BABAM2: variants seen among roughly 807,000 people sequenced by gnomAD.
BABAM2 encodes the protein BRISC and BRCA1 A complex member 2.
A neutral mutation model predicts 54.7 loss-of-function variants in BABAM2; 31 were observed. The ratio of observed to expected loss-of-function variants is 0.57; its 90% confidence interval spans 0.43 to 0.77. The LOEUF (loss-of-function observed/expected upper bound fraction) is 0.77. Among genes scored for constraint, BABAM2 ranks in the 30% least tolerant of loss-of-function variants. BABAM2 has a pLI of 0.00. For synonymous variants in BABAM2, 167 were observed against 162.9 expected, an observed-to-expected ratio of 1.03 and a Z score of -0.19; for missense variants, 364 against 455.8, an observed-to-expected ratio of 0.80 and a Z score of 1.83.
At chr2:27,893,749 A>T (rs1665048268) in intron 1 of BABAM2, among the ~76,000 whole-genome samples, 1 of 152,096 alleles carries the variant, frequency 6.6e-6, no homozygotes, top group African/African-American at 2.4e-5. Context: ...TAATCCCAGC[A>T]CTTTGGGAGG....
chr2:28,112,189 C>CCTTCCTTCCTTCCTTCCTT lies in BABAM2; in HGVS notation c.571-17081_571-17080insTTCCTTCCTTCCTTCCTTC, dbSNP rs1553319626. Among the ~76,000 whole-genome samples the CCTTCCTTCCTTCCTTCCTT allele has an allele frequency of 3.5e-3, 109 of 30,764 alleles. 9 individuals carry two copies. Among genetic ancestry groups the CCTTCCTTCCTTCCTTCCTT allele is most frequent in the Non-Finnish European group, 3.1e-3 (55 of 17,704 alleles). 20.2% of individuals were successfully genotyped at this position (30,764 alleles called of 152,430 possible). A position where few individuals can be genotyped will look rare whatever the true frequency, so the allele number is the denominator to read the frequency against. ...TCCCTCCCTCCCTCCCTCCCTCCCT[C>CCTTCCTTCCTTCCTTCCTT]CCTCCCTCCCTTCCTTCCTTCCTTC... On this transcript the variant is annotated intron_variant, in intron 6 of 11. Transcript: ENST00000379624.
chr2:28,336,769 C>T (rs1049422751), intron 11 of BABAM2, among the ~76,000 whole-genome samples: 10 of 152,242 alleles, frequency 6.6e-5, no homozygotes, highest in South Asian at 2.1e-4. Context: ...TGGCACCAGC[C>T]GCTGCATTTG....
intron 6 of BABAM2, among the ~76,000 whole-genome samples, chr2:28,073,686 C>A (rs1038358850): frequency 6.6e-6 from 1 of 152,060 alleles, no homozygotes; most frequent in Non-Finnish European, 1.5e-5. Context: ...TAATTGGCTT[C>A]TTTGAGTTAA....
chr2:27,972,397 G>T (rs968762325), intron 3 of BABAM2, among the ~76,000 whole-genome samples: 3 of 152,210 alleles, frequency 2.0e-5, no homozygotes, highest in Non-Finnish European at 4.4e-5. Flanking sequence ...GGAACAGAGT[G>T]TGGTATCTAA....
intron 3 of BABAM2, among the ~76,000 whole-genome samples, chr2:27,981,922 G>A (rs945544216): frequency 4.6e-5 from 7 of 152,096 alleles, no homozygotes; most frequent in Non-Finnish European, 8.8e-5. Flanking sequence ...AACCTCTTGA[G>A]GAACTGCCAG....
chr2:27,946,521 G>GT (rs1290881488), intron 3 of BABAM2, among the ~76,000 whole-genome samples: 1 of 152,132 alleles, frequency 6.6e-6, no homozygotes, highest in Non-Finnish European at 1.5e-5. Flanking sequence ...AAGTTGGGAA[G>GT]TATTCAGTCC....
At chr2:27,994,276 A>G (rs1218024562) in intron 4 of BABAM2, among the ~76,000 whole-genome samples, 1 of 152,222 alleles carries the variant, frequency 6.6e-6, no homozygotes, top group African/African-American at 2.4e-5. Context: ...ACTTGGAAAC[A>G]TATTATTTGA....
chr2:28,099,479 C>G (rs982775880), intron 6 of BABAM2, among the ~76,000 whole-genome samples: 1 of 152,184 alleles, frequency 6.6e-6, no homozygotes, highest in African/African-American at 2.4e-5. Flanking sequence ...TACTGTCCCT[C>G]TTTGCGTGAT....
intron 2 of BABAM2, among the ~76,000 whole-genome samples, chr2:27,903,161 G>T (rs1162923009): frequency 6.6e-6 from 1 of 151,438 alleles, no homozygotes; most frequent in African/African-American, 2.4e-5. Context: ...CTTGCCCATG[G>T]ATGTCAAGTT....
chr2:28,193,442 A>G (rs531356196), intron 7 of BABAM2, among the ~76,000 whole-genome samples: 3 of 152,212 alleles, frequency 2.0e-5, no homozygotes, highest in Non-Finnish European at 4.4e-5. Flanking sequence ...TGACCTCGGC[A>G]AGTCATGTGT....
At chr2:28,153,288 G>C (rs1052478777) in intron 7 of BABAM2, among the ~76,000 whole-genome samples, 3 of 152,174 alleles carry the variant, frequency 2.0e-5, no homozygotes, top group African/African-American at 7.2e-5. Flanking sequence ...TGCCACATCT[G>C]TTTTCTAAGC....
chr2:28,016,345 C>T (rs2148543874), intron 4 of BABAM2: 2 of 1,213,774 alleles, frequency 1.6e-6, no homozygotes, highest in East Asian at 4.7e-5. Flanking sequence ...TTTCTAGTTG[C>T]TCTTTTACTT....
At chr2:28,149,120 A>G (rs965588293) in intron 7 of BABAM2, among the ~76,000 whole-genome samples, 3 of 152,214 alleles carry the variant, frequency 2.0e-5, no homozygotes, top group African/African-American at 7.2e-5. Flanking sequence ...AGGAATGGAA[A>G]TGGTAACAGC....
chr2:28,327,577 C>T, intron 11 of BABAM2: 1 of 1,059,534 alleles, frequency 9.4e-7, no homozygotes, highest in South Asian at 1.9e-5. Context: ...TAATTCAACA[C>T]ATACTGAGAC....
intron 11 of BABAM2, chr2:28,309,597 T>A (rs1486741198): frequency 1.3e-5 from 2 of 152,942 alleles, no homozygotes; most frequent in Non-Finnish European, 2.9e-5. Flanking sequence ...AGGAGATTTT[T>A]AAATTAAAAG....
chr2:28,209,369 C>T (rs931598619), intron 7 of BABAM2, among the ~76,000 whole-genome samples: 2 of 152,126 alleles, frequency 1.3e-5, no homozygotes, highest in African/African-American at 4.8e-5. Context: ...CTAGGATTGT[C>T]ATCTTACAAA....
chr2:28,064,730 G>A (rs1042872310), intron 6 of BABAM2, among the ~76,000 whole-genome samples: 13 of 152,142 alleles, frequency 8.5e-5, no homozygotes, highest in South Asian at 4.1e-4. Context: ...GTCTGGGTGC[G>A]GTGGCTCACG....
intron 2 of BABAM2, among the ~76,000 whole-genome samples, chr2:27,923,442 G>T (rs1667471756): frequency 6.7e-6 from 1 of 149,976 alleles, no homozygotes; most frequent in Non-Finnish European, 1.5e-5. Context: ...AAAGCCCTGA[G>T]ACCCTGTCTC....
At chr2:28,276,638 C>G (rs1401873745) in intron 10 of BABAM2, among the ~76,000 whole-genome samples, 1 of 152,154 alleles carries the variant, frequency 6.6e-6, no homozygotes, top group Non-Finnish European at 1.5e-5. Context: ...ATAGAAATCT[C>G]AGCCTCACCC....
Sources: gnomAD v4.1 joint callset for allele counts (sites outside exome capture counted in the v4.1 genomes callset) on GRCh38, gnomAD v4.1.1 for gene constraint, MANE v1.5 for transcripts, NCBI Gene and HGNC (gene_info 2026-07-23, HGNC 2026-07-21) for gene names.